MXI1: variants seen among roughly 807,000 people sequenced by gnomAD.
MXI1 encodes MAX interactor 1, dimerization protein.
A neutral mutation model predicts 36.9 loss-of-function variants in MXI1; 18 were observed. The observed-to-expected ratio is 0.49, with a 90% CI of 0.34 to 0.72. MXI1 has a LOEUF of 0.72. Ranked by LOEUF, MXI1 falls within the 30% of genes least tolerant of loss-of-function variation. The pLI, the probability that MXI1 is intolerant of heterozygous loss-of-function variation, is 0.01. For missense variants in MXI1, 304 were observed against 379.1 expected (o/e 0.80, Z 1.64); for synonymous variants, 160 against 146.7 (o/e 1.09, Z -0.65).
Position 110,230,871 on chromosome 10 carries a change from A to G in MXI1, c.407+2550A>G, listed in dbSNP as rs532596681. ...TGAAACAAGGAAAGGAATGGACTTCATAAGTATATATGTCTTATTTTTTCC... is the reference window on the plus strand; with the variant it reads ...TGAAACAAGGAAAGGAATGGACTTCGTAAGTATATATGTCTTATTTTTTCC... On this transcript the variant is annotated intron_variant, in intron 2 of 5. Transcript: ENST00000332674. Among the ~76,000 whole-genome samples, 8 of 152,358 alleles carry G rather than the reference A, an allele frequency of 5.3e-5. No homozygotes were observed. In the East Asian group the frequency reaches 1.5e-3, roughly 29 times the overall value.
chr10:110,207,937 T>A lies in MXI1; in HGVS notation c.129T>A (p.Ala43=). The part of the protein sequence containing the change: ...PQPPALPEDP[A]GAKPRCPFSD... ...CCCCGGCCCTGCCCGAGGACCCCGC[T>A]GGGGCCAAGCCCAGGTGCCCCTTCT... Residue 43 remains alanine (A), a synonymous_variant, in exon 1 of 6, where the codon GCT becomes GCA. Transcript: ENST00000332674. 1 of 1,567,504 alleles carries A rather than the reference T, an allele frequency of 6.4e-7. No homozygotes were observed. Among genetic ancestry groups the A allele is most frequent in the South Asian group, 1.1e-5 (1 of 87,072 alleles).
chr10:110,250,013 C>T (rs555882175), intron 3 of MXI1, among the ~76,000 whole-genome samples: 7 of 152,146 alleles, frequency 4.6e-5, no homozygotes, highest in Admixed American at 1.3e-4. Flanking sequence ...ACCAGATCTC[C>T]GAGGGAAGCC....
intron 3 of MXI1, among the ~76,000 whole-genome samples, chr10:110,254,977 C>CT: frequency 6.6e-6 from 1 of 152,182 alleles, no homozygotes; most frequent in African/African-American, 2.4e-5. Flanking sequence ...AACAGATTTT[C>CT]AAAGTAGACG....
chr10:110,267,292 A>T (rs1856704529), intron 3 of MXI1, among the ~76,000 whole-genome samples: 1 of 152,244 alleles, frequency 6.6e-6, no homozygotes, highest in Non-Finnish European at 1.5e-5. Flanking sequence ...GTTCTTTGAT[A>T]AAATATTGCT....
At chr10:110,278,363 C>T (rs776854843) in intron 3 of MXI1, among the ~76,000 whole-genome samples, 1 of 152,084 alleles carries the variant, frequency 6.6e-6, no homozygotes, top group Non-Finnish European at 1.5e-5. Flanking sequence ...ATTTTTGTCA[C>T]CTGTTGTCCT....
At chr10:110,209,556 TTTTC>T (rs1244460108) in intron 1 of MXI1, among the ~76,000 whole-genome samples, 1 of 152,048 alleles carries the variant, frequency 6.6e-6, no homozygotes, top group African/African-American at 2.4e-5. Context: ...TGGTGCGTTC[TTTTC>T]TTTCTCTTCT....
rs892273224 is a variant in MXI1 at position 110,234,716 on chromosome 10, A to G, written c.407+6395A>G. 2.0e-5 allele frequency among the ~76,000 whole-genome samples: 3 copies of G among 152,218 alleles called. No individual in the cohort carries two copies. The East Asian group carries it at 5.8e-4, about 29-fold the overall frequency. On this transcript the variant is annotated intron_variant, in intron 2 of 5. Coordinates refer to ENST00000332674, the MANE Select transcript of MXI1 (RefSeq NM_130439.3). The stretch of plus-strand genomic sequence containing the variant: ...GTTTTTTAGAATATTGCTCTGTAAT[A>G]GAATTTGTTGTTAACAAATGAAGTA...
At chr10:110,245,821 A>G (rs1855840439) in intron 3 of MXI1, 1 of 152,222 alleles carries the variant, frequency 6.6e-6, no homozygotes, top group Non-Finnish European at 1.5e-5. Context: ...TAATCTAGGT[A>G]AGAGATGATG....
intron 2 of MXI1, among the ~76,000 whole-genome samples, chr10:110,234,103 G>A (rs1048626098): frequency 6.6e-6 from 1 of 152,088 alleles, no homozygotes; most frequent in African/African-American, 2.4e-5. Flanking sequence ...TGTAGATGAT[G>A]GTTGACTTTA....
intron 1 of MXI1, among the ~76,000 whole-genome samples, chr10:110,219,969 C>T (rs1052253062): frequency 6.6e-6 from 1 of 152,186 alleles, no homozygotes; most frequent in African/African-American, 2.4e-5. Context: ...CACTAAACGC[C>T]ACTGGAACGC....
chr10:110,233,955 T>C (rs1590350768), intron 2 of MXI1, among the ~76,000 whole-genome samples: 1 of 152,176 alleles, frequency 6.6e-6, no homozygotes, highest in Non-Finnish European at 1.5e-5. Flanking sequence ...ATATTGAATA[T>C]ATGATGTAGA....
At chr10:110,277,480 A>G (rs1412756050) in intron 3 of MXI1, among the ~76,000 whole-genome samples, 3 of 152,182 alleles carry the variant, frequency 2.0e-5, no homozygotes, top group Non-Finnish European at 4.4e-5. Flanking sequence ...GAGCAAGAGC[A>G]CTGTGGTCAC....
Position 110,228,233 on chromosome 10 carries a change from C to G in MXI1, c.319C>G (p.Pro107Ala). Residue 107 changes from proline (P) to alanine (A), a missense_variant, in exon 2 of 6, where the codon CCC becomes GCC. By Grantham distance (27) the Pro-to-Ala change is conservative. Coordinates refer to ENST00000332674, the MANE Select transcript of MXI1 (RefSeq NM_130439.3). The part of the protein sequence containing the change: ...YASSFPSMPS[P>A]RLQHSKPPRR... ...CTCTTCATTCCCGTCCATGCCGAGC[C>G]CCCGACTGCAGCATTCAAAGCCCCC... The G allele has an allele frequency of 1.2e-6, 2 of 1,614,076 alleles. No individual in the cohort carries two copies. The highest frequency in any genetic ancestry group is 1.7e-6 in the Non-Finnish European group (2 of 1,180,000).
chr10:110,284,723 T>C, intron 5 of MXI1, 101 bp from the exon 6 acceptor site: 1 of 1,061,142 alleles, frequency 9.4e-7, no homozygotes, highest in Non-Finnish European at 1.3e-6. Context: ...ATAAGCTTGT[T>C]GTGTAACATT....
chr10:110,223,991 C>CA lies in MXI1; in HGVS notation c.275-4189dup, dbSNP rs201838013. ...TCACTGGAGATTTTGTTCACTTTAC[C>CA]AAAAAAAAAGAAAAGAAAAAAGAAA... On this transcript the variant is annotated intron_variant, in intron 1 of 5. Transcript: ENST00000332674. 2.3e-3 allele frequency among the ~76,000 whole-genome samples: 330 copies of CA among 141,778 alleles called. 3 individuals carry two copies. The highest frequency in any genetic ancestry group is 0.014 in the Middle Eastern group (4 of 286). The allele number at this position is 141,778 out of a possible 152,430, so 93.0% of individuals were successfully genotyped here.
intron 1 of MXI1, chr10:110,227,375 G>A: frequency 1.0e-6 from 1 of 987,526 alleles, no homozygotes. Flanking sequence ...GCGTGTGTGA[G>A]AGGTCGCGCA....
At chr10:110,220,805 A>G (rs1168315651) in intron 1 of MXI1, among the ~76,000 whole-genome samples, 2 of 152,260 alleles carry the variant, frequency 1.3e-5, no homozygotes, top group African/African-American at 2.4e-5. Flanking sequence ...AAACAAAAAT[A>G]TCAACTCTTG....
chr10:110,269,273 C>T (rs1856782418), intron 3 of MXI1, among the ~76,000 whole-genome samples: 2 of 152,154 alleles, frequency 1.3e-5, no homozygotes, highest in African/African-American at 4.8e-5. Flanking sequence ...CCAGATTGTT[C>T]CTGTTCCATT....
intron 3 of MXI1, among the ~76,000 whole-genome samples, chr10:110,268,285 C>G (rs1172676846): frequency 6.6e-6 from 1 of 152,120 alleles, no homozygotes; most frequent in Non-Finnish European, 1.5e-5. Context: ...TGTAGCAGTC[C>G]TTAGAAAACT....
Sources: allele counts gnomAD v4.1 joint callset (sites outside exome capture counted in the v4.1 genomes callset), GRCh38; gene constraint gnomAD v4.1.1; transcripts MANE v1.5; gene names NCBI Gene and HGNC (gene_info 2026-07-23, HGNC 2026-07-21).